NUMB: variants seen among roughly 807,000 people sequenced by gnomAD.
NUMB encodes protein numb homolog.
In NUMB, 29 loss-of-function variants were observed where a neutral mutation model predicts 59.7. The ratio of observed to expected loss-of-function variants is 0.49; its 90% CI spans 0.36 to 0.66. The LOEUF is 0.66. Among genes scored for constraint, NUMB ranks in the 30% least tolerant of loss-of-function variants. The pLI is 0.00. For missense variants in NUMB, 723 were observed against 822.0 expected, an observed-to-expected ratio of 0.88 and a Z score of 1.47; for synonymous variants, 288 against 288.2, an observed-to-expected ratio of 1.00 and a Z score of 0.01.
At chr14:73,323,288 C>T in intron 4 of NUMB, 84 bp from the exon 5 acceptor site, 1 of 884,284 alleles carries the variant, frequency 1.1e-6, no homozygotes, top group Non-Finnish European at 1.8e-6. Flanking sequence ...AAATTGAATA[C>T]AGGTTGAACA....
chr14:73,282,355 C>T lies in NUMB; in HGVS notation c.1096+4G>A. 1 of 1,613,970 alleles carries T rather than the reference C, an allele frequency of 6.2e-7. No individual in the cohort carries two copies. The highest frequency in any genetic ancestry group is 8.5e-7 in the Non-Finnish European group (1 of 1,179,940). On this transcript the variant is annotated splice_donor_region_variant and intron_variant, in intron 11 of 12. Coordinates refer to ENST00000555238, the MANE Select transcript of NUMB (RefSeq NM_001005743.2). The stretch of plus-strand genomic sequence containing the variant: ...AACAGCTGAGCAGGTCAGAGGGCAC[C>T]AACCTTGGAAGGTAGGAGATTGTGG...
At chr14:73,350,078 TACACACACACAC>T (rs71112732) in intron 4 of NUMB, among the ~76,000 whole-genome samples, 97 of 137,768 alleles carry the variant, frequency 7.0e-4, no homozygotes, top group African/African-American at 2.7e-3. Context: ...CATACATACA[TACACACACACAC>T]ACACACACAC....
At chr14:73,321,819 G>A (rs1891419565) in intron 5 of NUMB, among the ~76,000 whole-genome samples, 1 of 152,150 alleles carries the variant, frequency 6.6e-6, no homozygotes, top group Admixed American at 6.5e-5. Context: ...ATCTATGTAT[G>A]TATATATGTG....
chr14:73,400,178 C>T (rs1007780172), intron 2 of NUMB, among the ~76,000 whole-genome samples: 1 of 152,170 alleles, frequency 6.6e-6, no homozygotes, highest in Non-Finnish European at 1.5e-5. Context: ...TCTGAAAAGG[C>T]TACATATACC....
chr14:73,361,165 T>C (rs1023813701), intron 3 of NUMB, among the ~76,000 whole-genome samples: 1 of 152,186 alleles, frequency 6.6e-6, no homozygotes, highest in African/African-American at 2.4e-5. Context: ...GCTGGGATTA[T>C]AGGTGTGAAC....
chr14:73,411,988 A>T (rs1380168752), intron 1 of NUMB, among the ~76,000 whole-genome samples: 1 of 147,744 alleles, frequency 6.8e-6, no homozygotes, highest in East Asian at 2.0e-4. Flanking sequence ...GCAGTGGTAC[A>T]ATCATGCCTC....
At chr14:73,361,225 T>C (rs1894083157) in intron 3 of NUMB, among the ~76,000 whole-genome samples, 1 of 152,192 alleles carries the variant, frequency 6.6e-6, no homozygotes, top group African/African-American at 2.4e-5. Flanking sequence ...TTGCTTCAGC[T>C]CTTCCTTGAT....
chr14:73,354,118 A>AT lies in NUMB; in HGVS notation c.126+1507dup, dbSNP rs200992841. 5.1e-3 allele frequency among the ~76,000 whole-genome samples: 774 copies of AT among 150,560 alleles called. 6 individuals are homozygous for AT. Among genetic ancestry groups the AT allele is most frequent in the South Asian group, 0.03 (142 of 4,760 alleles). ...AATCACTTTTCCTGTCATATGGAAG[A>AT]TTTTTTTTTTCCCTTCAGAAGCTTT... is the stretch of plus-strand genomic sequence containing the variant. On this transcript the variant is annotated intron_variant, in intron 4 of 12. Coordinates refer to ENST00000555238, the MANE Select transcript of NUMB (RefSeq NM_001005743.2).
chr14:73,431,578 C>T (rs1228330042), intron 1 of NUMB, among the ~76,000 whole-genome samples: 2 of 151,242 alleles, frequency 1.3e-5, no homozygotes, highest in East Asian at 4.0e-4. Flanking sequence ...GAAACCCTGT[C>T]TCTACTAAAA....
At chr14:73,281,173 A>G (rs1888612882) in intron 11 of NUMB, among the ~76,000 whole-genome samples, 1 of 152,080 alleles carries the variant, frequency 6.6e-6, no homozygotes, top group Admixed American at 6.6e-5. Context: ...TGTAACGGGT[A>G]CTATATTCAG....
At chr14:73,288,176 G>A (rs1384392267) in intron 8 of NUMB, among the ~76,000 whole-genome samples, 3 of 152,212 alleles carry the variant, frequency 2.0e-5, no homozygotes, top group African/African-American at 7.2e-5. Context: ...CACTTTGGGA[G>A]GCTGAGATGG....
intron 2 of NUMB, among the ~76,000 whole-genome samples, chr14:73,382,521 G>T (rs1009652169): frequency 2.0e-5 from 3 of 151,848 alleles, no homozygotes; most frequent in African/African-American, 7.3e-5. Context: ...TGACAAGAAG[G>T]AGAGGCCCTG....
chr14:73,454,597 C>T (rs1884219649), intron 1 of NUMB, among the ~76,000 whole-genome samples: 1 of 152,112 alleles, frequency 6.6e-6, no homozygotes, highest in South Asian at 2.1e-4. Flanking sequence ...AATTGAACTT[C>T]TACTTTTTAA....
chr14:73,331,361 C>T (rs1457926725), intron 4 of NUMB, among the ~76,000 whole-genome samples: 3 of 151,994 alleles, frequency 2.0e-5, no homozygotes, highest in African/African-American at 7.2e-5. Context: ...CTGGCTAACA[C>T]GGTGAAACCC....
Position 73,457,557 on chromosome 14 carries a change from G to A in NUMB, c.-233+936C>T, listed in dbSNP as rs117814347. The A allele has an allele frequency of 5.1e-3, 780 of 151,932 alleles. 7 individuals are homozygous for A. The highest frequency in any genetic ancestry group is 6.2e-3 in the Non-Finnish European group (421 of 67,968). 9.4% of individuals were successfully genotyped at this position (151,932 alleles called of 1,614,324 possible). ...CCTATAGGGATTCTCTCCCACCTCC[G>A]CCCATCTCCGTCCCATTTTGCATGA... On this transcript the variant is annotated intron_variant, in intron 1 of 12. Coordinates refer to ENST00000555238, the MANE Select transcript of NUMB (RefSeq NM_001005743.2).
At chr14:73,424,120 A>ACT (rs34105395) in intron 1 of NUMB, among the ~76,000 whole-genome samples, 1 of 152,024 alleles carries the variant, frequency 6.6e-6, no homozygotes, top group Non-Finnish European at 1.5e-5. Context: ...AACCACAATT[A>ACT]CTCTCTCTCT....
chr14:73,331,404 G>A (rs1020106524), intron 4 of NUMB, among the ~76,000 whole-genome samples: 2 of 152,060 alleles, frequency 1.3e-5, no homozygotes, highest in East Asian at 1.9e-4. Context: ...AATTAGCCGG[G>A]CGTGGTGGTG....
chr14:73,427,640 G>A (rs748135882), intron 1 of NUMB, among the ~76,000 whole-genome samples: 1 of 152,000 alleles, frequency 6.6e-6, no homozygotes, highest in African/African-American at 2.4e-5. Flanking sequence ...AACACAAGAC[G>A]GACAGTGAAA....
intron 2 of NUMB, among the ~76,000 whole-genome samples, chr14:73,384,068 G>C (rs999414518): frequency 3.3e-5 from 5 of 151,652 alleles, no homozygotes; most frequent in Admixed American, 2.0e-4. Context: ...GCAATAAAAT[G>C]ATATATTTAA....
Sources: gnomAD v4.1 joint callset for allele counts (sites outside exome capture counted in the v4.1 genomes callset) on GRCh38, gnomAD v4.1.1 for gene constraint, MANE v1.5 for transcripts, NCBI Gene and HGNC (gene_info 2026-07-23, HGNC 2026-07-21) for gene names.